RUFY3: variants seen among roughly 807,000 people sequenced by gnomAD.
RUFY3 encodes the protein protein RUFY3.
In RUFY3, 34 loss-of-function variants were observed where a neutral mutation model predicts 84.0. The observed-to-expected ratio is 0.40, with a 90% confidence interval of 0.31 to 0.54. The LOEUF is 0.54. RUFY3 is among the 20% of genes least tolerant of loss of function. The pLI is 0.39. For missense variants in RUFY3, 507 were observed against 736.8 expected, an observed-to-expected ratio of 0.69 and a Z score of 3.61; for synonymous variants, 242 against 252.9, an observed-to-expected ratio of 0.96 and a Z score of 0.41.
chr4:70,718,016 G>A (rs1372000177), upstream of RUFY3, among the ~76,000 whole-genome samples: 1 of 151,316 alleles, frequency 6.6e-6, no homozygotes, highest in African/African-American at 2.4e-5. Context: ...CTGAGTAGCT[G>A]GGATTACAGG....
At chr4:70,791,688 T>A (rs955735773) in intron 12 of RUFY3, 63 of 1,013,132 alleles carry the variant, frequency 6.2e-5, no homozygotes, top group Non-Finnish European at 6.7e-5. Context: ...CATGTCTGTA[T>A]CTGCAAGCCT....
chr4:70,763,761 A>C, intron 3 of RUFY3, 92 bp downstream of exon 3: 1 of 1,454,954 alleles, frequency 6.9e-7, no homozygotes, highest in South Asian at 1.4e-5. Flanking sequence ...TGTACGAATA[A>C]TTTATTTTAT....
Position 70,722,464 on chromosome 4 carries a change from C to A in RUFY3, c.-110C>A. On this transcript the variant is annotated 5_prime_UTR_variant, in exon 1 of 18. Transcript: ENST00000381006. ...CACCCTTTTCCTGAAAGCTTTGTTT[C>A]AGAGCTTTGTATTGGGTTTTTTTGG... 1.5e-6 allele frequency: 2 copies of A among 1,358,564 alleles called. No homozygotes were observed. The highest frequency in any genetic ancestry group is 2.8e-5 in the Admixed American group (1 of 35,282). The allele number at this position is 1,358,564 out of a possible 1,614,324, so 84.2% of individuals were successfully genotyped here.
intron 1 of RUFY3, chr4:70,734,316 C>G (rs1023201819): frequency 1.4e-6 from 1 of 717,740 alleles, no homozygotes; most frequent in African/African-American, 1.9e-5. Flanking sequence ...TGTTATTGTT[C>G]TTTGCTTTCA....
At chr4:70,750,032 A>G in intron 1 of RUFY3, among the ~76,000 whole-genome samples, 1 of 151,568 alleles carries the variant, frequency 6.6e-6, no homozygotes, top group Admixed American at 6.6e-5. Context: ...CAGGGTCTCA[A>G]CCCTGTTGCC....
intron 8 of RUFY3, among the ~76,000 whole-genome samples, chr4:70,779,284 CT>C (rs1040998171): frequency 1.2e-4 from 18 of 152,304 alleles, no homozygotes; most frequent in African/African-American, 4.3e-4. Flanking sequence ...AAGTCAGCCA[CT>C]TGACCTCCAA....
intron 14 of RUFY3, among the ~76,000 whole-genome samples, chr4:70,798,226 C>T (rs140209891): frequency 4.6e-5 from 7 of 151,550 alleles, no homozygotes; most frequent in Admixed American, 2.0e-4. Context: ...AAAATTATCT[C>T]GGTGTGGTGG....
rs1174793552 is a variant in RUFY3 at position 70,774,094 on chromosome 4, ATTC to A, written c.758+525_758+527del. Among the ~76,000 whole-genome samples the A allele has an allele frequency of 6.6e-5, 10 of 152,170 alleles. 1 individual carries two copies. The highest frequency in any genetic ancestry group is 1.2e-4 in the Non-Finnish European group (8 of 68,020). On this transcript the variant is annotated intron_variant, in intron 6 of 17. Coordinates refer to ENST00000381006, the MANE Select transcript of RUFY3 (RefSeq NM_001037442.4). The stretch of plus-strand genomic sequence containing the variant: ...GTAATTAGAGATCAGAAGCACATCT[ATTC>A]TTTTTATAAATTTAGCCATTGAAAG...
At chr4:70,713,294 A>G (rs1159757950) in intron 1 of RUFY3, among the ~76,000 whole-genome samples, 1 of 152,222 alleles carries the variant, frequency 6.6e-6, no homozygotes, top group Non-Finnish European at 1.5e-5. Flanking sequence ...AAGTGTTGGG[A>G]TTACAGGCGT....
chr4:70,738,700 G>A (rs1720820586), intron 1 of RUFY3, among the ~76,000 whole-genome samples: 1 of 151,478 alleles, frequency 6.6e-6, no homozygotes, highest in Admixed American at 6.6e-5. Context: ...CATTAGTAAA[G>A]TCTTTTGCTC....
Position 70,806,826 on chromosome 4 carries a change from G to A in RUFY3, c.*167G>A. On this transcript the variant is annotated 3_prime_UTR_variant, in exon 18 of 18. Transcript: ENST00000381006. ...AGTGGTTGGGGTTACTGGAAATTTT[G>A]CTCATTTTCTCTAATGACTGTATGA... is the stretch of plus-strand genomic sequence containing the variant. The A allele has an allele frequency of 1.3e-6, 1 of 773,118 alleles. No homozygotes were observed. The highest frequency in any genetic ancestry group is 2.0e-6 in the Non-Finnish European group (1 of 508,026). The allele number at this position is 773,118 out of a possible 1,614,324, so 47.9% of individuals were successfully genotyped here. A position where few individuals can be genotyped will look rare whatever the true frequency, so the allele number is the denominator to read the frequency against.
chr4:70,763,059 T>C (rs974444820), intron 2 of RUFY3, among the ~76,000 whole-genome samples: 3 of 152,186 alleles, frequency 2.0e-5, no homozygotes, highest in African/African-American at 7.2e-5. Flanking sequence ...CTTGGGTCAG[T>C]GTTCTTTCCA....
At position 70,705,168 on chromosome 4, in the gene RUFY3, G is replaced by A. The variant is rs1006774577; in HGVS notation, c.232G>A (p.Gly78Arg). The change falls in exon 1 of 12, where the codon GGA becomes AGA. Residue 78 changes from glycine to arginine, a missense_variant. Transcript: ENST00000417478. The stretch of plus-strand genomic sequence containing the variant: ...CCCCGGCGATGGAGGCGCCGGCTTC[G>A]GAGTGCGCCCGCCGCCGCAGCAGCA... 47 of 1,460,450 alleles carry A rather than the reference G, an allele frequency of 3.2e-5. No individual in the cohort carries two copies. In the Middle Eastern group the frequency reaches 9.5e-4, roughly 29 times the overall value. The allele number at this position is 1,460,450 out of a possible 1,614,324, so 90.5% of individuals were successfully genotyped here.
intron 1 of RUFY3, among the ~76,000 whole-genome samples, chr4:70,716,953 A>T (rs1741698341): frequency 6.6e-6 from 1 of 152,206 alleles, no homozygotes; most frequent in African/African-American, 2.4e-5. Context: ...AAAAAAACTG[A>T]AACTAAACAT....
At chr4:70,735,622 C>T (rs144038161) in intron 1 of RUFY3, among the ~76,000 whole-genome samples, 9,358 of 152,170 alleles carry the variant, frequency 0.061, 358 homozygotes, top group East Asian at 0.097. Context: ...AGGCGGATTG[C>T]TTGAGCTCAG....
chr4:70,773,060 C>G (rs1727255039), intron 5 of RUFY3, among the ~76,000 whole-genome samples: 1 of 152,084 alleles, frequency 6.6e-6, no homozygotes, highest in Non-Finnish European at 1.5e-5. Flanking sequence ...GAACAGACAC[C>G]AAAATATTAG....
chr4:70,761,773 C>T (rs577650359), intron 1 of RUFY3, among the ~76,000 whole-genome samples: 12 of 152,288 alleles, frequency 7.9e-5, no homozygotes, highest in Middle Eastern at 3.4e-3. Flanking sequence ...AGTTCTAGTA[C>T]TGCATTATAC....
chr4:70,711,919 C>T (rs1198327642), intron 1 of RUFY3, among the ~76,000 whole-genome samples: 1 of 152,218 alleles, frequency 6.6e-6, no homozygotes, highest in East Asian at 1.9e-4. Context: ...TCTTTTCTGC[C>T]ACCACCTTTT....
intron 1 of RUFY3, among the ~76,000 whole-genome samples, chr4:70,729,654 G>A (rs1024226325): frequency 2.0e-5 from 3 of 152,152 alleles, no homozygotes; most frequent in Non-Finnish European, 2.9e-5. Context: ...ATAAATGGTA[G>A]CTATTTATAT....
Sources: gnomAD v4.1 joint callset for allele counts (sites outside exome capture counted in the v4.1 genomes callset) on GRCh38, gnomAD v4.1.1 for gene constraint, MANE v1.5 for transcripts, NCBI Gene and HGNC (gene_info 2026-07-23, HGNC 2026-07-21) for gene names.